The following GNA14 variants were observed in gnomAD, a reference collection of about 807,000 sequenced individuals.
GNA14 encodes G protein subunit alpha 14.
Under a neutral mutation model 42.0 loss-of-function variants are expected in GNA14, and 50 were observed. That is an observed-to-expected ratio of 1.19 (90% CI 0.95 to 1.51). The LOEUF (loss-of-function observed/expected upper bound fraction) is 1.51, where lower values mean the gene tolerates loss of function less well. Among genes scored for constraint, GNA14 ranks in the 40% most tolerant of loss-of-function variants. GNA14 has a pLI of 0.00. For synonymous variants in GNA14, 173 were observed against 163.1 expected, an observed-to-expected ratio of 1.06 and a Z score of -0.46; for missense variants, 473 against 446.2, an observed-to-expected ratio of 1.06 and a Z score of -0.54.
intron 2 of GNA14, among the ~76,000 whole-genome samples, chr9:77,508,564 C>T (rs1227605741): frequency 2.0e-5 from 3 of 152,150 alleles, no homozygotes; most frequent in Non-Finnish European, 4.4e-5. Flanking sequence ...TACCACAGTA[C>T]GTGTATATAT....
intron 1 of GNA14, among the ~76,000 whole-genome samples, chr9:77,629,660 A>G (rs1044297848): frequency 2.6e-5 from 4 of 152,316 alleles, no homozygotes; most frequent in Non-Finnish European, 4.4e-5. Flanking sequence ...GTTCTCACTC[A>G]TAAGTGGGAA....
At chr9:77,567,882 A>G (rs1822992741) in intron 1 of GNA14, among the ~76,000 whole-genome samples, 1 of 152,154 alleles carries the variant, frequency 6.6e-6, no homozygotes, top group South Asian at 2.1e-4. Flanking sequence ...CAAAAAAACA[A>G]GTATTCCATT....
At chr9:77,469,099 G>A (rs1312977225) in intron 2 of GNA14, among the ~76,000 whole-genome samples, 2 of 152,128 alleles carry the variant, frequency 1.3e-5, no homozygotes, top group Non-Finnish European at 2.9e-5. Flanking sequence ...TCAGGTCCCT[G>A]TAGGATGCTT....
At chr9:77,596,590 C>T (rs926961396) in intron 1 of GNA14, among the ~76,000 whole-genome samples, 1 of 151,748 alleles carries the variant, frequency 6.6e-6, no homozygotes. Flanking sequence ...TGGCGACATG[C>T]GGGGAAAGGA....
chr9:77,644,222 T>G (rs1343234665), intron 1 of GNA14, among the ~76,000 whole-genome samples: 1 of 151,826 alleles, frequency 6.6e-6, no homozygotes, highest in Non-Finnish European at 1.5e-5. Flanking sequence ...CCCGACACTT[T>G]GGGAGGTTGA....
At chr9:77,431,979 C>G (rs4745635) in intron 3 of GNA14, among the ~76,000 whole-genome samples, 115,558 of 152,158 alleles carry the variant, frequency 0.76, 45,095 homozygotes, top group African/African-American at 0.94. Flanking sequence ...AAGTTTTCCT[C>G]TTGAAGACAC....
intron 2 of GNA14, among the ~76,000 whole-genome samples, chr9:77,489,091 A>T (rs1836710623): frequency 6.6e-6 from 1 of 152,134 alleles, no homozygotes; most frequent in Non-Finnish European, 1.5e-5. Flanking sequence ...AATAATAAAG[A>T]ATCAATCAAA....
intron 1 of GNA14, among the ~76,000 whole-genome samples, chr9:77,639,089 T>C (rs901141411): frequency 6.6e-6 from 1 of 152,242 alleles, no homozygotes; most frequent in Non-Finnish European, 1.5e-5. Context: ...CCAATCCATT[T>C]AGGAAAAGTT....
chr9:77,510,102 C>T (rs1837136149), intron 2 of GNA14, among the ~76,000 whole-genome samples: 1 of 152,078 alleles, frequency 6.6e-6, no homozygotes, highest in Admixed American at 6.6e-5. Context: ...ACCATATATC[C>T]ATTAGCAGTC....
intron 2 of GNA14, among the ~76,000 whole-genome samples, chr9:77,438,744 C>T (rs1261950433): frequency 6.6e-6 from 1 of 152,170 alleles, no homozygotes; most frequent in African/African-American, 2.4e-5. Flanking sequence ...AACACACACA[C>T]ACTTCAAACC....
Position 77,613,806 on chromosome 9 carries a change from T to C in GNA14, c.124+33864A>G, listed in dbSNP as rs534262348. Reference sequence around the variant, plus strand: ...CCCACCATAATGTGCGATGTGCTAATGATTTACCACTAAGTGGCTCCCACT... The same window carrying C: ...CCCACCATAATGTGCGATGTGCTAACGATTTACCACTAAGTGGCTCCCACT... On this transcript the variant is annotated intron_variant, in intron 1 of 6. Transcript: ENST00000341700. Among the ~76,000 whole-genome samples the C allele has an allele frequency of 3.9e-5, 6 of 152,348 alleles. No individual in the cohort carries two copies. In the East Asian group the frequency reaches 1.2e-3, roughly 29 times the overall value.
intron 2 of GNA14, among the ~76,000 whole-genome samples, chr9:77,486,117 A>G (rs1016184549): frequency 6.6e-6 from 1 of 152,218 alleles, no homozygotes; most frequent in Non-Finnish European, 1.5e-5. Flanking sequence ...ATCTATATTG[A>G]AAATCTGTGG....
At chr9:77,568,410 T>C (rs1228561081) in intron 1 of GNA14, among the ~76,000 whole-genome samples, 1 of 151,618 alleles carries the variant, frequency 6.6e-6, no homozygotes, top group Non-Finnish European at 1.5e-5. Context: ...GAGAATCATT[T>C]GAACCCAGGA....
At chr9:77,433,407 G>C (rs1172002993) in intron 3 of GNA14, among the ~76,000 whole-genome samples, 2 of 151,550 alleles carry the variant, frequency 1.3e-5, no homozygotes, top group African/African-American at 4.8e-5. Context: ...TTTTTTTTGA[G>C]ACAGAGTCTC....
chr9:77,630,580 T>A (rs1482175665), intron 1 of GNA14, among the ~76,000 whole-genome samples: 2 of 152,226 alleles, frequency 1.3e-5, no homozygotes, highest in African/African-American at 4.8e-5. Context: ...TTTAATTAAC[T>A]GAATTAATAA....
chr9:77,581,141 G>C (rs1823218101), intron 1 of GNA14, among the ~76,000 whole-genome samples: 1 of 152,134 alleles, frequency 6.6e-6, no homozygotes, highest in Non-Finnish European at 1.5e-5. Flanking sequence ...ACTTTTTGCA[G>C]GGTGTGTTTA....
chr9:77,564,307 A>AAC (rs916186619), intron 1 of GNA14, among the ~76,000 whole-genome samples: 16 of 147,478 alleles, frequency 1.1e-4, no homozygotes, highest in East Asian at 3.9e-4. Context: ...AAAAAAAAAA[A>AAC]AAAAAAACTT....
In GNA14 at chr9:77,529,307, C is replaced by G. The variant is rs533363622; in HGVS notation, c.125-54G>C. On this transcript the variant is annotated intron_variant, in intron 1 of 6. Coordinates refer to ENST00000341700, the MANE Select transcript of GNA14 (RefSeq NM_004297.4). ...GTCAGCAGACTTCCAAAGGAACACA[C>G]GAAGAAACAGAGGACCTCCTGGCAG... The G allele has an allele frequency of 8.1e-5, 112 of 1,381,878 alleles. No homozygotes were observed. The African/African-American group carries it at 1.4e-3, about 17-fold the overall frequency. 85.6% of individuals were successfully genotyped at this position (1,381,878 alleles called of 1,614,324 possible). A position where few individuals can be genotyped will look rare whatever the true frequency, so the allele number is the denominator to read the frequency against.
chr9:77,546,840 T>C (rs1837725314), intron 1 of GNA14, among the ~76,000 whole-genome samples: 1 of 152,230 alleles, frequency 6.6e-6, no homozygotes, highest in South Asian at 2.1e-4. Context: ...GCTGGATTCC[T>C]CTCTCCAGGA....
Sources: gnomAD v4.1 joint callset for allele counts (sites outside exome capture counted in the v4.1 genomes callset) on GRCh38, gnomAD v4.1.1 for gene constraint, MANE v1.5 for transcripts, NCBI Gene and HGNC (gene_info 2026-07-23, HGNC 2026-07-21) for gene names.